Variants in MCUB observed in about 807,000 individuals in gnomAD.
MCUB encodes calcium uniporter regulatory subunit MCUb, mitochondrial.
Under a neutral mutation model 41.4 loss-of-function variants are expected in MCUB, and 46 were observed. The observed-to-expected ratio is 1.11, with a 90% CI of 0.88 to 1.42. The LOEUF (loss-of-function observed/expected upper bound fraction) is 1.42. Ranked by LOEUF, MCUB falls within the 40% of genes most tolerant of loss-of-function variation. The pLI, the probability that MCUB is intolerant of heterozygous loss-of-function variation, is 0.00. For missense variants in MCUB, 403 were observed against 404.9 expected (o/e 1.00, Z 0.04); for synonymous variants, 148 against 148.2 (o/e 1.00, Z 0.01).
chr4:109,663,098 A>G (rs2126145305), intron 3 of MCUB, among the ~76,000 whole-genome samples: 1 of 152,346 alleles, frequency 6.6e-6, no homozygotes, highest in South Asian at 2.1e-4. Context: ...TCGGGATGTT[A>G]CTAGTGTTAG....
rs938383471 is a variant in MCUB, at chr4:109,561,788, A to G, written c.99+1352A>G. Among the ~76,000 whole-genome samples, 48 of 152,132 alleles carry G rather than the reference A, an allele frequency of 3.2e-4. 1 individual carries two copies. The highest frequency in any genetic ancestry group is 2.5e-3 in the Admixed American group (38 of 15,278). On this transcript the variant is annotated intron_variant, in intron 1 of 7. Coordinates refer to ENST00000394650, the MANE Select transcript of MCUB (RefSeq NM_017918.5). ...TTTGGAGACGGAGTCTTGCTCTGTT[A>G]CCCAGGCTGGAGTGCAGTTGTGCGA...
chr4:109,613,030 C>T (rs924654527), intron 1 of MCUB, among the ~76,000 whole-genome samples: 3 of 151,610 alleles, frequency 2.0e-5, no homozygotes, highest in South Asian at 2.1e-4. Flanking sequence ...GGTGTGAACC[C>T]GGGAGGCAGA....
rs1162278169 is a variant in MCUB at position 109,687,796 on chromosome 4, G to A, written c.*204G>A. On this transcript the variant is annotated 3_prime_UTR_variant, in exon 8 of 8. Transcript: ENST00000394650. ...CTAATGTTAGAAAGGGCTTGTATGC[G>A]TCTATCAAAGCAACGGTGGCTGCTG... 2.2e-5 allele frequency: 12 copies of A among 548,232 alleles called. No homozygotes were observed. The highest frequency in any genetic ancestry group is 4.7e-5 in the South Asian group (2 of 42,338). The allele number at this position is 548,232 out of a possible 1,614,324, so 34.0% of individuals were successfully genotyped here. A position where few individuals can be genotyped will look rare whatever the true frequency, so the allele number is the denominator to read the frequency against.
intron 1 of MCUB, among the ~76,000 whole-genome samples, chr4:109,562,383 G>A (rs1316708509): frequency 1.3e-5 from 2 of 152,158 alleles, no homozygotes; most frequent in Non-Finnish European, 2.9e-5. Context: ...CTTGAGAAGT[G>A]GAAATGCTGT....
At chr4:109,630,921 G>A (rs1222173431) in intron 1 of MCUB, among the ~76,000 whole-genome samples, 4 of 152,116 alleles carry the variant, frequency 2.6e-5, no homozygotes, top group Non-Finnish European at 5.9e-5. Flanking sequence ...ATGTACTGCC[G>A]TTCCTGGACT....
intron 1 of MCUB, among the ~76,000 whole-genome samples, chr4:109,600,657 C>T (rs1727709646): frequency 6.6e-6 from 1 of 152,026 alleles, no homozygotes; most frequent in South Asian, 2.1e-4. Context: ...TAGGAATAGG[C>T]CTGACAGGGA....
At chr4:109,619,389 C>T (rs1728203948) in intron 1 of MCUB, among the ~76,000 whole-genome samples, 1 of 152,008 alleles carries the variant, frequency 6.6e-6, no homozygotes, top group Non-Finnish European at 1.5e-5. Flanking sequence ...CAGTAAACCT[C>T]TTTCTATGAT....
At chr4:109,636,125 A>G (rs1377346627) in intron 1 of MCUB, among the ~76,000 whole-genome samples, 1 of 152,162 alleles carries the variant, frequency 6.6e-6, no homozygotes, top group Admixed American at 6.5e-5. Context: ...TGGAGCTGGT[A>G]TCTGGTCAAT....
At chr4:109,614,022 G>T (rs1267701346) in intron 1 of MCUB, among the ~76,000 whole-genome samples, 1 of 152,094 alleles carries the variant, frequency 6.6e-6, no homozygotes, top group Non-Finnish European at 1.5e-5. Context: ...TCATGTGTAG[G>T]TTCATGTATC....
intron 4 of MCUB, among the ~76,000 whole-genome samples, chr4:109,677,635 G>A (rs999645601): frequency 2.0e-5 from 3 of 151,904 alleles, no homozygotes; most frequent in Non-Finnish European, 4.4e-5. Flanking sequence ...TCTTGGCAGT[G>A]GGTTCCTTAA....
rs377652838 is a variant in MCUB, at chr4:109,577,655, A to G, written c.99+17219A>G. Among the ~76,000 whole-genome samples the G allele has an allele frequency of 2.2e-4, 5 of 22,956 alleles. 1 individual carries two copies. Among genetic ancestry groups the G allele is most frequent in the Non-Finnish European group, 4.5e-4 (5 of 11,074 alleles). The allele number at this position is 22,956 out of a possible 152,430, so 15.1% of individuals were successfully genotyped here. A position where few individuals can be genotyped will look rare whatever the true frequency, so the allele number is the denominator to read the frequency against. ...GATGGAGTCTCGCTCTGTCGCCCAGACTGGAGTGCAGTGGCGCGATCTCGG... is the reference window on the plus strand; with the variant it reads ...GATGGAGTCTCGCTCTGTCGCCCAGGCTGGAGTGCAGTGGCGCGATCTCGG... On this transcript the variant is annotated intron_variant, in intron 1 of 7. Transcript: ENST00000394650.
intron 1 of MCUB, among the ~76,000 whole-genome samples, chr4:109,652,690 A>C (rs1285974337): frequency 6.6e-6 from 1 of 152,178 alleles, no homozygotes; most frequent in Non-Finnish European, 1.5e-5. Context: ...ACCTCCCATT[A>C]GATCCCACCT....
chr4:109,594,802 T>G (rs1209548168), intron 1 of MCUB, among the ~76,000 whole-genome samples: 8 of 150,496 alleles, frequency 5.3e-5, no homozygotes, highest in Non-Finnish European at 1.2e-4. Flanking sequence ...TAAGGAGAGA[T>G]GTATGGTCTT....
chr4:109,677,802 ATTTTT>A (rs71595506), intron 4 of MCUB, among the ~76,000 whole-genome samples: 9 of 86,608 alleles, frequency 1.0e-4, no homozygotes, highest in African/African-American at 3.3e-4. Flanking sequence ...AAGGAAACAA[ATTTTT>A]TTTTTTTTTT....
intron 2 of MCUB, among the ~76,000 whole-genome samples, 184 bp downstream of exon 2, chr4:109,659,270 TC>T (rs1729173561): frequency 1.9e-4 from 1 of 5,374 alleles, no homozygotes; most frequent in Non-Finnish European, 2.9e-4. Flanking sequence ...TTTGTCAAAT[TC>T]CCACCTCAGA....
intron 1 of MCUB, among the ~76,000 whole-genome samples, chr4:109,568,195 G>A (rs369500546): frequency 1.3e-5 from 2 of 152,116 alleles, no homozygotes; most frequent in African/African-American, 2.4e-5. Context: ...ACTCGGCTTC[G>A]GGAATGTTTT....
rs71594195 is a variant in MCUB, at chr4:109,577,598, CTTTTTTTTTTT to C, written c.99+17181_99+17191del. ...ATAGCCTAAAATGGGTACTTGAATTCTTTTTTTTTTTTTTTTTTTTTTTTTTTTTGAGATGG... is the reference window on the plus strand; with the variant it reads ...ATAGCCTAAAATGGGTACTTGAATTCTTTTTTTTTTTTTTTTTTGAGATGG... On this transcript the variant is annotated intron_variant, in intron 1 of 7. Coordinates refer to ENST00000394650, the MANE Select transcript of MCUB (RefSeq NM_017918.5). 1.6e-3 allele frequency among the ~76,000 whole-genome samples: 78 copies of C among 48,652 alleles called. 7 individuals are homozygous for C. The highest frequency in any genetic ancestry group is 5.7e-3 in the African/African-American group (74 of 12,884). 31.9% of individuals were successfully genotyped at this position (48,652 alleles called of 152,430 possible).
chr4:109,680,155 C>T (rs903615190), intron 4 of MCUB, among the ~76,000 whole-genome samples: 3 of 152,126 alleles, frequency 2.0e-5, no homozygotes, highest in African/African-American at 7.2e-5. Flanking sequence ...ACTTGGGAGT[C>T]TCTCTTTGAA....
intron 1 of MCUB, among the ~76,000 whole-genome samples, chr4:109,597,229 T>G (rs1325776275): frequency 6.6e-6 from 1 of 152,164 alleles, no homozygotes; most frequent in East Asian, 1.9e-4. Context: ...TCCTGGCCCG[T>G]TCTCAATGAG....
Sources: gnomAD v4.1 joint callset for allele counts (sites outside exome capture counted in the v4.1 genomes callset) on GRCh38, gnomAD v4.1.1 for gene constraint, MANE v1.5 for transcripts, NCBI Gene and HGNC (gene_info 2026-07-23, HGNC 2026-07-21) for gene names.